FHIT: variants seen among roughly 807,000 people sequenced by gnomAD.
FHIT encodes bis(5'-adenosyl)-triphosphatase.
A neutral mutation model predicts 17.9 loss-of-function variants in FHIT; 19 were observed. The observed-to-expected ratio is 1.06, with a 90% confidence interval of 0.74 to 1.56. The LOEUF is 1.56. Ranked by LOEUF, FHIT falls within the 40% of genes most tolerant of loss-of-function variation. The pLI is 0.00. For synonymous variants in FHIT, 81 were observed against 69.7 expected (o/e 1.16, Z -0.81); for missense variants, 248 against 189.2 (o/e 1.31, Z -1.82).
intron 5 of FHIT, chr3:60,536,411 AG>A (rs2035983295): frequency 1.3e-5 from 2 of 154,040 alleles, no homozygotes; most frequent in Non-Finnish European, 2.9e-5. Flanking sequence ...GATCTCCAAG[AG>A]GTAAAGCAAC....
chr3:60,168,942 A>T (rs971787799), intron 5 of FHIT, among the ~76,000 whole-genome samples: 1 of 152,154 alleles, frequency 6.6e-6, no homozygotes, highest in Non-Finnish European at 1.5e-5. Context: ...CTAACTTGAC[A>T]TATCGGGATG....
chr3:60,898,186 A>G (rs1553762329), intron 3 of FHIT, among the ~76,000 whole-genome samples: 3 of 152,108 alleles, frequency 2.0e-5, no homozygotes, highest in African/African-American at 7.2e-5. Context: ...ACATCTTTCC[A>G]TGTTACTAAG....
chr3:61,017,970 G>A (rs1445539559), intron 3 of FHIT, among the ~76,000 whole-genome samples: 3 of 152,182 alleles, frequency 2.0e-5, no homozygotes, highest in Non-Finnish European at 4.4e-5. Context: ...AATAGTGACA[G>A]CACTACTGAA....
At chr3:59,869,733 A>G (rs1434398847) in intron 8 of FHIT, among the ~76,000 whole-genome samples, 1 of 150,714 alleles carries the variant, frequency 6.6e-6, no homozygotes, top group Non-Finnish European at 1.5e-5. Flanking sequence ...TGATCTGCCC[A>G]CCTCGGCCTC....
intron 5 of FHIT, among the ~76,000 whole-genome samples, chr3:60,290,585 G>C (rs923172079): frequency 6.6e-6 from 1 of 152,020 alleles, no homozygotes; most frequent in Non-Finnish European, 1.5e-5. Context: ...GACACCAACA[G>C]CAGAGATGTT....
intron 4 of FHIT, among the ~76,000 whole-genome samples, chr3:60,778,835 G>C (rs1247253682): frequency 2.6e-5 from 4 of 152,170 alleles, no homozygotes; most frequent in African/African-American, 9.6e-5. Context: ...TCAACTTGCA[G>C]AGCCAATAAA....
At chr3:60,457,785 C>G (rs149321846) in intron 5 of FHIT, among the ~76,000 whole-genome samples, 4 of 150,824 alleles carry the variant, frequency 2.7e-5, no homozygotes, top group Non-Finnish European at 5.9e-5. Context: ...TATGAACAGA[C>G]ACTTCTCAAA....
intron 2 of FHIT, among the ~76,000 whole-genome samples, chr3:61,140,938 T>C (rs1448507257): frequency 6.6e-6 from 1 of 152,200 alleles, no homozygotes; most frequent in Non-Finnish European, 1.5e-5. Flanking sequence ...TTCACAGTCC[T>C]CGCTGGGAGG....
chr3:61,161,728 T>C (rs1222984005), intron 2 of FHIT, among the ~76,000 whole-genome samples: 1 of 152,164 alleles, frequency 6.6e-6, no homozygotes, highest in Non-Finnish European at 1.5e-5. Flanking sequence ...ACATTTGCAC[T>C]AAATCAAAAA....
At chr3:60,847,911 T>C (rs1216827072) in intron 3 of FHIT, among the ~76,000 whole-genome samples, 7 of 152,130 alleles carry the variant, frequency 4.6e-5, no homozygotes, top group Non-Finnish European at 1.0e-4. Flanking sequence ...GAAGCACAAT[T>C]TTATCCTTGA....
intron 5 of FHIT, among the ~76,000 whole-genome samples, chr3:60,100,251 G>GT (rs1412690099): frequency 1.3e-5 from 2 of 152,122 alleles, no homozygotes; most frequent in Non-Finnish European, 2.9e-5. Flanking sequence ...AGGCATGGTG[G>GT]TGGACGCCTG....
intron 4 of FHIT, among the ~76,000 whole-genome samples, chr3:60,629,419 T>C (rs1431797058): frequency 6.6e-6 from 1 of 152,222 alleles, no homozygotes; most frequent in Non-Finnish European, 1.5e-5. Flanking sequence ...AGTTTCTTTA[T>C]ATTTTTCATC....
chr3:60,302,292 G>T (rs1708487272), intron 5 of FHIT, among the ~76,000 whole-genome samples: 1 of 151,998 alleles, frequency 6.6e-6, no homozygotes, highest in African/African-American at 2.4e-5. Flanking sequence ...TCTTCAGTGT[G>T]GGATGCCCTT....
intron 5 of FHIT, among the ~76,000 whole-genome samples, chr3:60,114,073 A>AT (rs1704833638): frequency 1.1e-5 from 1 of 93,030 alleles, no homozygotes; most frequent in East Asian, 2.8e-4. Context: ...ATATATATAT[A>AT]ATGTTATATG....
intron 5 of FHIT, among the ~76,000 whole-genome samples, chr3:60,019,477 G>A (rs1208540238): frequency 6.8e-6 from 1 of 146,996 alleles, no homozygotes; most frequent in East Asian, 2.0e-4. Flanking sequence ...GGAGAGCAAT[G>A]GCACAATCTC....
At chr3:61,059,822 C>T (rs6446184) in intron 2 of FHIT, among the ~76,000 whole-genome samples, 90,957 of 151,880 alleles carry the variant, frequency 0.6, 28,104 homozygotes, top group Non-Finnish European at 0.65. Flanking sequence ...ATAACACCGA[C>T]AGAAAATAAA....
At chr3:61,178,918 T>A (rs1035612382) in intron 2 of FHIT, among the ~76,000 whole-genome samples, 1 of 152,096 alleles carries the variant, frequency 6.6e-6, no homozygotes, top group Non-Finnish European at 1.5e-5. Context: ...CATGGCTAGA[T>A]TTGCAAGGCA....
intron 1 of FHIT, among the ~76,000 whole-genome samples, chr3:61,209,601 C>A (rs2039384903): frequency 6.6e-6 from 1 of 152,182 alleles, no homozygotes; most frequent in African/African-American, 2.4e-5. Flanking sequence ...CAGTTGATCG[C>A]ATCGGCTACT....
chr3:60,714,233 A>T (rs140366756), intron 4 of FHIT, among the ~76,000 whole-genome samples: 1,703 of 152,212 alleles, frequency 0.011, 41 homozygotes, highest in African/African-American at 0.039. Flanking sequence ...AAATTCAACA[A>T]CCCTTCATGC....
Sources: allele counts gnomAD v4.1 joint callset (sites outside exome capture counted in the v4.1 genomes callset), GRCh38; gene constraint gnomAD v4.1.1; transcripts MANE v1.5; gene names NCBI Gene and HGNC (gene_info 2026-07-23, HGNC 2026-07-21).